The following MCM2 variants were observed in gnomAD, a reference collection of about 807,000 sequenced individuals.
MCM2 encodes DNA replication licensing factor MCM2.
A neutral mutation model predicts 86.4 loss-of-function variants in MCM2; 49 were observed. The ratio of observed to expected loss-of-function variants is 0.57; its 90% confidence interval spans 0.45 to 0.72. The LOEUF (loss-of-function observed/expected upper bound fraction) is 0.72, where lower values mean the gene tolerates loss of function less well. MCM2 is among the 30% of genes least tolerant of loss of function. The pLI, the probability that MCM2 is intolerant of heterozygous loss-of-function variation, is 0.00. For synonymous variants in MCM2, 475 were observed against 484.6 expected, an observed-to-expected ratio of 0.98 and a Z score of 0.26; for missense variants, 1,038 against 1,259.9, an observed-to-expected ratio of 0.82 and a Z score of 2.67.
At chr3:127,603,466 T>C in intron 2 of MCM2, among the ~76,000 whole-genome samples, 1 of 151,226 alleles carries the variant, frequency 6.6e-6, no homozygotes, top group East Asian at 2.0e-4. Context: ...CCAGCCCTTT[T>C]GTTTGTTTGT....
rs1156350048 is a variant in MCM2 at position 127,618,982 on chromosome 3, C to T, written c.2014-45C>T. 2.6e-6 allele frequency: 4 copies of T among 1,522,588 alleles called. No individual in the cohort carries two copies. Among genetic ancestry groups the T allele is most frequent in the Non-Finnish European group, 3.5e-6 (4 of 1,131,508 alleles). 94.3% of individuals were successfully genotyped at this position (1,522,588 alleles called of 1,614,324 possible). A position where few individuals can be genotyped will look rare whatever the true frequency, so the allele number is the denominator to read the frequency against. ...CTCCAGCCACTGACCTCCCCAAAGC[C>T]ACGCACACCCACAATCAGACCCACC... On this transcript the variant is annotated intron_variant, in intron 12 of 15. Coordinates refer to ENST00000265056, the MANE Select transcript of MCM2 (RefSeq NM_004526.4). The surrounding 1 kb of genome is among the most constrained non-coding windows in gnomAD (Gnocchi z 4.0).
Position 127,599,491 on chromosome 3 carries a change from G to C in MCM2, c.180G>C (p.Glu60Asp), listed in dbSNP as rs758633607. 2 of 1,614,144 alleles carry C rather than the reference G, an allele frequency of 1.2e-6. No homozygotes were observed. Among genetic ancestry groups the C allele is most frequent in the South Asian group, 1.1e-5 (1 of 91,090 alleles). ...EDESEGLLGTEGPLEEEEDGE... is the reference protein window; with the variant it reads ...EDESEGLLGTDGPLEEEEDGE... The stretch of plus-strand genomic sequence containing the variant: ...AGTCCGAGGGGCTCCTAGGCACAGA[G>C]GGGCCCCTGGAGGAAGAAGAGGATG... Residue 60 changes from glutamate to aspartate, a missense_variant, in exon 2 of 16, where the codon GAG becomes GAC. Transcript: ENST00000265056.
In MCM2 at chr3:127,621,846, C is replaced by A; in HGVS notation, c.*73C>A. 8.8e-7 allele frequency: 1 copy of A among 1,137,100 alleles called. No homozygotes were observed. The highest frequency in any genetic ancestry group is 1.3e-6 in the Non-Finnish European group (1 of 770,434). The allele number at this position is 1,137,100 out of a possible 1,614,324, so 70.4% of individuals were successfully genotyped here. ...GTCAGTGCCCTCTGTGCTTTATGGA[C>A]ACAAAACCAGAGCACTTGATGAACT... On this transcript the variant is annotated 3_prime_UTR_variant, in exon 16 of 16. Transcript: ENST00000265056.
chr3:127,616,724 C>T (rs2074435663), intron 9 of MCM2, 144 bp from the exon 10 acceptor site: 3 of 881,786 alleles, frequency 3.4e-6, no homozygotes, highest in South Asian at 1.6e-5. Flanking sequence ...GACTGCATGG[C>T]GTAGGGCATT....
At chr3:127,608,659 T>C in intron 7 of MCM2, 143 bp downstream of exon 7, 1 of 1,294,604 alleles carries the variant, frequency 7.7e-7, no homozygotes, top group Non-Finnish European at 1.1e-6. Context: ...GCAAAGAACT[T>C]TCTTCTGGTG....
At chr3:127,613,876 C>T (rs754925277) in intron 8 of MCM2, among the ~76,000 whole-genome samples, 2 of 152,192 alleles carry the variant, frequency 1.3e-5, no homozygotes, top group Admixed American at 1.3e-4. Context: ...GCCTTCTTGC[C>T]ATGTCATCCC....
In MCM2 at chr3:127,606,584, T is replaced by C; in HGVS notation, c.894-26T>C. ...GCCTGGCCTCACCCTGGCTCACGGC[T>C]TCTGATGCACCCTCTGCCTCCGCAG... On this transcript the variant is annotated intron_variant, in intron 5 of 15. Coordinates refer to ENST00000265056, the MANE Select transcript of MCM2 (RefSeq NM_004526.4). The surrounding 1 kb of genome is among the most constrained non-coding windows in gnomAD (Gnocchi z 4.2). 1 of 1,607,258 alleles carries C rather than the reference T, an allele frequency of 6.2e-7. No individual in the cohort carries two copies. The highest frequency in any genetic ancestry group is 2.2e-5 in the East Asian group (1 of 44,804).
chr3:127,609,324 G>A (rs2074375519), intron 8 of MCM2, among the ~76,000 whole-genome samples: 1 of 152,180 alleles, frequency 6.6e-6, no homozygotes, highest in South Asian at 2.1e-4. Flanking sequence ...GCGACGAGAA[G>A]AGCTCTTCCT....
Position 127,617,113 on chromosome 3 carries a change from G to C in MCM2, c.1768G>C (p.Asp590His). The C allele has an allele frequency of 1.9e-6, 3 of 1,613,084 alleles. No individual in the cohort carries two copies. In the Middle Eastern group the frequency reaches 5.0e-4, roughly 266 times the overall value. Residue 590 changes from aspartate (D) to histidine (H), a missense_variant, in exon 10 of 16, where the codon GAC becomes CAC. Transcript: ENST00000265056. This position sits in a 1 kb window ranked among gnomAD's most constrained non-coding sequence, Gnocchi z 4.1. Reference sequence around the variant, plus strand: ...AGGAGTGTGTCTCATTGATGAATTTGACAAGGTGGGTCCCTGGGTCACGGA... The same window carrying C: ...AGGAGTGTGTCTCATTGATGAATTTCACAAGGTGGGTCCCTGGGTCACGGA... The part of the protein sequence containing the change: ...DRGVCLIDEF[D>H]KMNDQDRTSI...
At chr3:127,615,636 A>C (rs1384037455) in intron 8 of MCM2, among the ~76,000 whole-genome samples, 3 of 152,198 alleles carry the variant, frequency 2.0e-5, no homozygotes, top group Non-Finnish European at 4.4e-5. Context: ...GGTTCAGATG[A>C]AGGTTCTTCT....
At position 127,616,925 on chromosome 3, in the gene MCM2, C is replaced by T. The variant is rs2074437233; in HGVS notation, c.1580C>T (p.Thr527Ile). 3 of 1,614,184 alleles carry T rather than the reference C, an allele frequency of 1.9e-6. No individual in the cohort carries two copies. The East Asian group carries it at 6.7e-5, about 36-fold the overall frequency. Reference sequence around the variant, plus strand: ...GTGCTCTTGTGCGGAGACCCTGGCACAGCGAAGTCGCAGTTTCTCAAGTAT... The same window carrying T: ...GTGCTCTTGTGCGGAGACCCTGGCATAGCGAAGTCGCAGTTTCTCAAGTAT... ...INVLLCGDPG[T>I]AKSQFLKYIE... The change falls in exon 10 of 16, where the codon ACA (threonine) becomes ATA (isoleucine). Residue 527 changes from threonine to isoleucine, a missense_variant. Physicochemically the swap from Thr to Ile is moderately conservative, Grantham distance 89. Transcript: ENST00000265056.
At chr3:127,604,309 G>A (rs2074328724) in intron 2 of MCM2, 1 of 349,520 alleles carries the variant, frequency 2.9e-6, no homozygotes, top group Non-Finnish European at 5.2e-6. Flanking sequence ...TATAGGATTT[G>A]TCCTTTTGTG....
intron 8 of MCM2, among the ~76,000 whole-genome samples, chr3:127,611,651 AGCAGGAAGCCCT>A (rs2074396187): frequency 7.1e-6 from 1 of 140,574 alleles, no homozygotes; most frequent in Admixed American, 7.2e-5. Flanking sequence ...TTCCATCTCC[AGCAGGAAGCCCT>A]GCAGGCTTCT....
In MCM2 at chr3:127,602,563, C is replaced by T. The variant is rs570139317; in HGVS notation, c.237-2045C>T. On this transcript the variant is annotated intron_variant, in intron 2 of 15. Coordinates refer to ENST00000265056, the MANE Select transcript of MCM2 (RefSeq NM_004526.4). ...CATTTTCCCCTCAACTACCCATTTC[C>T]TCATCTTTCAGATGGAATGACAGTG... 2.9e-4 allele frequency among the ~76,000 whole-genome samples: 44 copies of T among 152,314 alleles called. No homozygotes were observed. The South Asian group carries it at 8.7e-3, about 30-fold the overall frequency.
At chr3:127,599,239 G>C (rs17496880) in intron 1 of MCM2, 79 bp from the exon 2 acceptor site, 286 of 1,146,960 alleles carry the variant, frequency 2.5e-4, no homozygotes, top group Non-Finnish European at 3.0e-4. Context: ...AAGAAGGGAA[G>C]GCCCCTGATG....
At chr3:127,613,972 T>C (rs1018452878) in intron 8 of MCM2, among the ~76,000 whole-genome samples, 1 of 152,220 alleles carries the variant, frequency 6.6e-6, no homozygotes, top group African/African-American at 2.4e-5. Context: ...ACTCCCTGGA[T>C]AGCAGTGCTT....
At chr3:127,611,284 C>A (rs1391948917) in intron 8 of MCM2, among the ~76,000 whole-genome samples, 1 of 152,212 alleles carries the variant, frequency 6.6e-6, no homozygotes, top group Non-Finnish European at 1.5e-5. Flanking sequence ...CCACCTGTGT[C>A]CCACATGATT....
chr3:127,614,783 G>A (rs548469339), intron 8 of MCM2, among the ~76,000 whole-genome samples: 54 of 152,312 alleles, frequency 3.5e-4, no homozygotes, highest in Non-Finnish European at 6.2e-4. Context: ...ATGCTCAAGT[G>A]TCCCTTTTTT....
intron 4 of MCM2, 57 bp downstream of exon 4, chr3:127,605,213 C>A: frequency 6.3e-7 from 1 of 1,582,120 alleles, no homozygotes; most frequent in Admixed American, 1.7e-5. Context: ...AAATCCTCCC[C>A]AGAAAGTTGT....
Sources: allele counts gnomAD v4.1 joint callset (sites outside exome capture counted in the v4.1 genomes callset), GRCh38; gene constraint gnomAD v4.1.1; non-coding constraint Gnocchi (gnomAD v3.1); transcripts MANE v1.5; gene names NCBI Gene and HGNC (gene_info 2026-07-23, HGNC 2026-07-21).